SEC24A: variants seen among roughly 807,000 people sequenced by gnomAD.
SEC24A encodes protein transport protein Sec24A.
Under a neutral mutation model 129.4 loss-of-function variants are expected in SEC24A, and 93 were observed. The observed-to-expected ratio is 0.72, with a 90% CI of 0.61 to 0.85. The LOEUF (loss-of-function observed/expected upper bound fraction) is 0.85, where lower values mean the gene tolerates loss of function less well. Among genes scored for constraint, SEC24A ranks in the 40% least tolerant of loss-of-function variants. The probability of loss-of-function intolerance (pLI) is 0.00; values close to 1 mark genes in which losing one functional copy is unlikely to be tolerated. For synonymous variants in SEC24A, 460 were observed against 467.3 expected, an observed-to-expected ratio of 0.98 and a Z score of 0.20; for missense variants, 1,264 against 1,307.4, an observed-to-expected ratio of 0.97 and a Z score of 0.51.
chr5:134,673,275 C>T (rs941851187), intron 4 of SEC24A, among the ~76,000 whole-genome samples: 1 of 151,486 alleles, frequency 6.6e-6, no homozygotes. Flanking sequence ...AGGATAGTCT[C>T]GATCTCCTGA....
intron 11 of SEC24A, among the ~76,000 whole-genome samples, chr5:134,690,226 G>A (rs1344475580): frequency 6.6e-6 from 1 of 152,038 alleles, no homozygotes; most frequent in East Asian, 1.9e-4. Context: ...TACCGTGTTA[G>A]CCAGGCTGGT....
intron 1 of SEC24A, among the ~76,000 whole-genome samples, chr5:134,650,896 T>A (rs757115104): frequency 8.6e-5 from 13 of 152,022 alleles, no homozygotes; most frequent in Non-Finnish European, 1.8e-4. Flanking sequence ...TGCCTCAGCC[T>A]CTGAAGTAGC....
intron 22 of SEC24A, among the ~76,000 whole-genome samples, chr5:134,723,964 T>C (rs766798260): frequency 3.9e-5 from 6 of 152,194 alleles, no homozygotes; most frequent in Non-Finnish European, 7.3e-5. Context: ...TATTGTTTCC[T>C]TGTGGTGAGA....
At position 134,693,781 on chromosome 5, in the gene SEC24A, A is replaced by C. The variant is rs537541353; in HGVS notation, c.1834A>C (p.Thr612Pro). The stretch of plus-strand genomic sequence containing the variant: ...ACAAATGTTTACCAAGACTCTGGAG[A>C]CCCAGAGTGCCTTGGGTCCTGCACT... The part of the protein sequence containing the change: ...LPQMFTKTLE[T>P]QSALGPALQA... The change falls in exon 13 of 23, where the codon ACC becomes CCC. Residue 612 changes from threonine to proline, a missense_variant. Thr to Pro is a conservative substitution (Grantham distance 38). Coordinates refer to ENST00000398844, the MANE Select transcript of SEC24A (RefSeq NM_021982.3). 6.2e-7 allele frequency: 1 copy of C among 1,614,120 alleles called. No homozygotes were observed. The highest frequency in any genetic ancestry group is 1.3e-5 in the African/African-American group (1 of 75,058).
chr5:134,713,178 G>A lies in SEC24A; in HGVS notation c.2728-1846G>A, dbSNP rs373789193. 3.9e-5 allele frequency among the ~76,000 whole-genome samples: 6 copies of A among 151,938 alleles called. No homozygotes were observed. In the East Asian group the frequency reaches 7.8e-4, roughly 20 times the overall value. On this transcript the variant is annotated intron_variant, in intron 18 of 22. Coordinates refer to ENST00000398844, the MANE Select transcript of SEC24A (RefSeq NM_021982.3). ...GATCTCCTGACCTTGTGATCCACCC[G>A]CCTCGGCCTCCCAAAGTGCTGGGAT...
At chr5:134,696,295 G>A (rs1246060362) in intron 13 of SEC24A, among the ~76,000 whole-genome samples, 1 of 151,656 alleles carries the variant, frequency 6.6e-6, no homozygotes, top group Non-Finnish European at 1.5e-5. Context: ...AAGAAAAAAA[G>A]AAAATGATAG....
intron 18 of SEC24A, 139 bp downstream of exon 18, chr5:134,709,027 G>A: frequency 1.3e-6 from 1 of 764,694 alleles, no homozygotes; most frequent in Non-Finnish European, 2.1e-6. Context: ...GCAATATGGT[G>A]AAACCTGGTC....
At chr5:134,668,818 C>T (rs1004569090) in intron 3 of SEC24A, among the ~76,000 whole-genome samples, 2 of 151,970 alleles carry the variant, frequency 1.3e-5, no homozygotes, top group African/African-American at 4.8e-5. Flanking sequence ...ATTGCTTGAA[C>T]CCGTAAGGCC....
rs111380952 is a variant in SEC24A, at chr5:134,655,668, A to AAAATAAAT, written c.98-5436_98-5429dup. 3.6e-3 allele frequency among the ~76,000 whole-genome samples: 545 copies of AAAATAAAT among 152,128 alleles called. 3 individuals carry two copies. The highest frequency in any genetic ancestry group is 0.013 in the African/African-American group (521 of 41,500). On this transcript the variant is annotated intron_variant, in intron 1 of 22. Transcript: ENST00000398844. ...GGGCGACAGAGCAAGAATTCATCTC[A>AAAATAAAT]AAATAAATAAATAAATAAATAAGGC...
chr5:134,695,774 G>A (rs920094215), intron 13 of SEC24A, among the ~76,000 whole-genome samples: 73 of 151,662 alleles, frequency 4.8e-4, no homozygotes, highest in African/African-American at 1.5e-3. Context: ...GTGAGACTCC[G>A]TCTCAAAACA....
At chr5:134,680,132 C>T (rs190354819) in intron 8 of SEC24A, among the ~76,000 whole-genome samples, 1 of 152,146 alleles carries the variant, frequency 6.6e-6, no homozygotes. Context: ...GGGAAGTAGG[C>T]AGTGCTAGAA....
At chr5:134,716,498 T>C (rs537024863) in intron 19 of SEC24A, among the ~76,000 whole-genome samples, 1 of 147,972 alleles carries the variant, frequency 6.8e-6, no homozygotes, top group South Asian at 2.1e-4. Context: ...CTTTGAAAAT[T>C]TAAAGAATTT....
chr5:134,723,755 A>C, intron 22 of SEC24A, 85 bp downstream of exon 22: 1 of 745,116 alleles, frequency 1.3e-6, no homozygotes, highest in Non-Finnish European at 2.3e-6. Context: ...AAAAAAAAGA[A>C]GAAAGAAAAA....
At chr5:134,676,438 CTTTTTTTT>C (rs34581398) in intron 7 of SEC24A, among the ~76,000 whole-genome samples, 1 of 84,182 alleles carries the variant, frequency 1.2e-5, no homozygotes, top group Non-Finnish European at 2.2e-5. Flanking sequence ...GCGCCCGGCT[CTTTTTTTT>C]TTTTTTTTTT....
chr5:134,667,068 T>A, intron 3 of SEC24A, 72 bp downstream of exon 3: 1 of 1,270,924 alleles, frequency 7.9e-7, no homozygotes, highest in South Asian at 1.6e-5. Context: ...ATTAGCTGAA[T>A]TCTGTGCATT....
intron 1 of SEC24A, among the ~76,000 whole-genome samples, chr5:134,658,530 C>A (rs904781753): frequency 1.3e-5 from 2 of 152,150 alleles, no homozygotes; most frequent in African/African-American, 4.8e-5. Context: ...TCCTGAGAAG[C>A]TAGATCTACA....
chr5:134,679,697 G>A lies in SEC24A; in HGVS notation c.1350G>A (p.Trp450Ter). ...TCAGCTTTCTTGATCAAAGGAGATGGAAGTGTAACTTATGTTATCGAGTCA... is the reference window on the plus strand; with the variant it reads ...TCAGCTTTCTTGATCAAAGGAGATGAAAGTGTAACTTATGTTATCGAGTCA... Reference protein sequence around the residue: ...PFVSFLDQRRWKCNLCYRVND... With the variant: ...PFVSFLDQRR The change falls in exon 8 of 23, where the codon TGG becomes TGA. Residue 450 changes from tryptophan (W) to a stop codon, truncating the protein, a stop_gained. Transcript: ENST00000398844. LOFTEE classifies it high-confidence loss of function. 2 of 1,597,696 alleles carry A rather than the reference G, an allele frequency of 1.3e-6. No individual in the cohort carries two copies. The highest frequency in any genetic ancestry group is 1.7e-6 in the Non-Finnish European group (2 of 1,169,280).
At chr5:134,712,683 A>G (rs929967322) in intron 18 of SEC24A, among the ~76,000 whole-genome samples, 65 of 150,780 alleles carry the variant, frequency 4.3e-4, no homozygotes, top group African/African-American at 1.2e-3. Flanking sequence ...CAGTGGCACA[A>G]TCTTGGCTCA....
chr5:134,670,026 A>G (rs1274719256), intron 3 of SEC24A, among the ~76,000 whole-genome samples: 2 of 152,138 alleles, frequency 1.3e-5, no homozygotes, highest in African/African-American at 2.4e-5. Flanking sequence ...TCCCAGGTTC[A>G]AGCGATTCTT....
Sources: gnomAD v4.1 joint callset for allele counts (sites outside exome capture counted in the v4.1 genomes callset) on GRCh38, gnomAD v4.1.1 for gene constraint, MANE v1.5 for transcripts, NCBI Gene and HGNC (gene_info 2026-07-23, HGNC 2026-07-21) for gene names.